SYT1: variants seen among roughly 807,000 people sequenced by gnomAD.
SYT1 encodes synaptotagmin 1.
SYT1 carries 8 observed loss-of-function variants against 44.8 expected under a neutral mutation model. The observed-to-expected ratio is 0.18, with a 90% CI of 0.10 to 0.32. The LOEUF (loss-of-function observed/expected upper bound fraction) is 0.32. Ranked by LOEUF, SYT1 falls within the 10% of genes least tolerant of loss-of-function variation. SYT1 has a pLI of 1.00. For synonymous variants in SYT1, 154 were observed against 188.8 expected, an observed-to-expected ratio of 0.82 and a Z score of 1.51; for missense variants, 286 against 509.3, an observed-to-expected ratio of 0.56 and a Z score of 4.22.
intron 3 of SYT1, among the ~76,000 whole-genome samples, chr12:79,122,513 C>CA (rs58384133): frequency 2.5e-4 from 16 of 64,980 alleles, no homozygotes; most frequent in Non-Finnish European, 3.3e-4. Context: ...GACTCCGTCT[C>CA]AAAAAAAAAA....
chr12:79,302,077 A>C (rs191713742), intron 8 of SYT1, among the ~76,000 whole-genome samples: 30 of 152,294 alleles, frequency 2.0e-4, no homozygotes, highest in African/African-American at 6.7e-4. Context: ...GAAAATTATA[A>C]TTGTGTGAAT....
intron 1 of SYT1, among the ~76,000 whole-genome samples, chr12:78,892,553 G>A (rs185199362): frequency 3.3e-5 from 5 of 151,558 alleles, no homozygotes; most frequent in South Asian, 2.1e-4. Context: ...AATAGGAGCC[G>A]CCCCGATCAA....
At chr12:79,329,248 A>T (rs187685333) in intron 8 of SYT1, among the ~76,000 whole-genome samples, 3 of 152,144 alleles carry the variant, frequency 2.0e-5, no homozygotes, top group Admixed American at 6.5e-5. Flanking sequence ...GTGGTAAGAT[A>T]CACACCTCCA....
chr12:78,940,387 C>A (rs1878283986), intron 1 of SYT1, among the ~76,000 whole-genome samples: 1 of 151,222 alleles, frequency 6.6e-6, no homozygotes, highest in African/African-American at 2.4e-5. Context: ...TCCATTAACT[C>A]ATTTCTTTAA....
Position 79,114,851 on chromosome 12 carries a change from G to A in SYT1, c.-18+67489G>A, listed in dbSNP as rs184651271. Among the ~76,000 whole-genome samples the A allele has an allele frequency of 4.4e-4, 67 of 152,122 alleles. 1 individual carries two copies. The highest frequency in any genetic ancestry group is 6.8e-3 in the Middle Eastern group (2 of 294). On this transcript the variant is annotated intron_variant, in intron 3 of 10. Transcript: ENST00000261205. ...AGAGTTTCTACAATTGAAAATTTCAGCATTTTTCACATAATCTCAAAAATA... is the reference window on the plus strand; with the variant it reads ...AGAGTTTCTACAATTGAAAATTTCAACATTTTTCACATAATCTCAAAAATA...
intron 3 of SYT1, among the ~76,000 whole-genome samples, chr12:79,056,077 G>A (rs933793587): frequency 6.6e-6 from 1 of 152,060 alleles, no homozygotes; most frequent in African/African-American, 2.4e-5. Context: ...AAACCATACA[G>A]CCTAGGTGTG....
intron 2 of SYT1, among the ~76,000 whole-genome samples, chr12:79,013,618 AAC>A (rs1227676604): frequency 7.2e-5 from 11 of 152,136 alleles, no homozygotes. Context: ...TTTCCTCTAT[AAC>A]ACCTAGGAGG....
At chr12:79,335,986 T>C (rs1258580429) in intron 8 of SYT1, among the ~76,000 whole-genome samples, 1 of 152,240 alleles carries the variant, frequency 6.6e-6, no homozygotes, top group Non-Finnish European at 1.5e-5. Context: ...AATGGGATTT[T>C]TCAATGAAAT....
At chr12:79,185,113 G>A in intron 3 of SYT1, among the ~76,000 whole-genome samples, 1 of 152,034 alleles carries the variant, frequency 6.6e-6, no homozygotes, top group East Asian at 1.9e-4. Context: ...AGGAGCACTA[G>A]TTATGCTCAG....
At chr12:78,890,707 G>A (rs1361252870) in intron 1 of SYT1, among the ~76,000 whole-genome samples, 1 of 151,446 alleles carries the variant, frequency 6.6e-6, no homozygotes, top group Non-Finnish European at 1.5e-5. Flanking sequence ...TCCCAAAATG[G>A]ACTCATTTTC....
intron 4 of SYT1, among the ~76,000 whole-genome samples, chr12:79,223,455 G>C (rs965942312): frequency 6.6e-6 from 1 of 152,204 alleles, no homozygotes; most frequent in African/African-American, 2.4e-5. Flanking sequence ...AGCCAGTGCA[G>C]TGCTGCCAGA....
chr12:79,340,113 C>T (rs1159472460), intron 8 of SYT1, among the ~76,000 whole-genome samples: 1 of 152,162 alleles, frequency 6.6e-6, no homozygotes, highest in Non-Finnish European at 1.5e-5. Flanking sequence ...GTGATGCCTC[C>T]AGCTTTGTTC....
chr12:79,095,330 C>CA (rs546181669), intron 3 of SYT1, among the ~76,000 whole-genome samples: 90 of 151,912 alleles, frequency 5.9e-4, no homozygotes, highest in African/African-American at 2.1e-3. Context: ...CCCAGAGATC[C>CA]AAAAACTTTT....
chr12:79,399,883 C>T (rs1318298498), intron 9 of SYT1, among the ~76,000 whole-genome samples: 1 of 152,316 alleles, frequency 6.6e-6, no homozygotes, highest in East Asian at 1.9e-4. Context: ...CAGTTCTCTG[C>T]TTTTCTTAAG....
At chr12:79,107,501 C>A (rs1354566684) in intron 3 of SYT1, among the ~76,000 whole-genome samples, 1 of 151,656 alleles carries the variant, frequency 6.6e-6, no homozygotes, top group Admixed American at 6.6e-5. Context: ...AGGTTTGTTC[C>A]AGAAGTTTAA....
intron 3 of SYT1, among the ~76,000 whole-genome samples, chr12:79,111,173 C>T (rs755917456): frequency 1.3e-5 from 2 of 151,954 alleles, no homozygotes; most frequent in Admixed American, 6.6e-5. Context: ...CGTGATCTAG[C>T]GCAGTATTTG....
chr12:79,057,410 C>G (rs574763870), intron 3 of SYT1, among the ~76,000 whole-genome samples: 1 of 152,000 alleles, frequency 6.6e-6, no homozygotes, highest in Admixed American at 6.6e-5. Flanking sequence ...TGACCCCCCC[C>G]AAATGATATT....
At chr12:79,164,816 A>G (rs1309712700) in intron 3 of SYT1, among the ~76,000 whole-genome samples, 1 of 152,064 alleles carries the variant, frequency 6.6e-6, no homozygotes, top group African/African-American at 2.4e-5. Flanking sequence ...ATGGCAAATG[A>G]ACAAAGGGAA....
intron 4 of SYT1, among the ~76,000 whole-genome samples, chr12:79,267,125 A>G (rs951818042): frequency 3.3e-5 from 5 of 152,182 alleles, no homozygotes; most frequent in African/African-American, 1.2e-4. Flanking sequence ...CTTCCAAAAA[A>G]CAAGTAATAA....
Sources: gnomAD v4.1 joint callset for allele counts (sites outside exome capture counted in the v4.1 genomes callset) on GRCh38, gnomAD v4.1.1 for gene constraint, MANE v1.5 for transcripts, NCBI Gene and HGNC (gene_info 2026-07-23, HGNC 2026-07-21) for gene names.